The following TMEM117 variants were observed in gnomAD, a reference collection of about 807,000 sequenced individuals.
TMEM117 encodes the protein transmembrane protein 117.
In TMEM117, 27 loss-of-function variants were observed where a neutral mutation model predicts 52.4. The ratio of observed to expected loss-of-function variants is 0.51; its 90% confidence interval spans 0.38 to 0.71. The LOEUF is 0.71. TMEM117 is among the 30% of genes least tolerant of loss of function. TMEM117 has a pLI of 0.00. For missense variants in TMEM117, 556 were observed against 630.5 expected (o/e 0.88, Z 1.26); for synonymous variants, 215 against 206.3 (o/e 1.04, Z -0.36).
At chr12:44,275,288 A>T (rs1950498439) in intron 5 of TMEM117, among the ~76,000 whole-genome samples, 1 of 152,090 alleles carries the variant, frequency 6.6e-6, no homozygotes, top group African/African-American at 2.4e-5. Context: ...TATCCAAACG[A>T]CAGACAATAA....
chr12:43,832,092 G>A (rs77056193), upstream of TMEM117, among the ~76,000 whole-genome samples: 2 of 152,132 alleles, frequency 1.3e-5, no homozygotes, highest in African/African-American at 4.8e-5. Flanking sequence ...AAAATATGGA[G>A]GAAAGAGTGG....
At chr12:43,942,296 ATATTCT>A (rs1281272953) in intron 2 of TMEM117, among the ~76,000 whole-genome samples, 1 of 152,232 alleles carries the variant, frequency 6.6e-6, no homozygotes, top group African/African-American at 2.4e-5. Flanking sequence ...GAATGAATAA[ATATTCT>A]TTATAGTGTA....
chr12:44,278,065 ACT>A (rs1019340721), intron 5 of TMEM117, among the ~76,000 whole-genome samples: 2 of 151,888 alleles, frequency 1.3e-5, no homozygotes, highest in African/African-American at 4.8e-5. Context: ...CCTGGCCAAA[ACT>A]CTGAGCTTTT....
At chr12:43,820,599 T>TA in the TMEM117 span, among the ~76,000 whole-genome samples, 3 of 148,022 alleles carry the variant, frequency 2.0e-5, no homozygotes, top group African/African-American at 5.0e-5. Flanking sequence ...TTTTTTTTTT[T>TA]ATAGAATCAA....
intron 6 of TMEM117, among the ~76,000 whole-genome samples, chr12:44,311,831 G>GTATATATGTATATATATGTATATATGTA (rs1565701630): frequency 1.2e-4 from 3 of 24,754 alleles, no homozygotes; most frequent in Admixed American, 9.4e-4. Context: ...ATGTATATAT[G>GTATATATGTATATATATGTATATATGTA]TATATATGTA....
chr12:44,204,568 A>C (rs1299820693), intron 4 of TMEM117, among the ~76,000 whole-genome samples: 1 of 152,150 alleles, frequency 6.6e-6, no homozygotes, highest in Non-Finnish European at 1.5e-5. Flanking sequence ...TAAAATTCGT[A>C]TGGAACAGTA....
rs995306412 is a variant in TMEM117, at chr12:43,890,237, G to A, written c.277+45309G>A. On this transcript the variant is annotated intron_variant, in intron 2 of 7. Coordinates refer to ENST00000266534, the MANE Select transcript of TMEM117 (RefSeq NM_032256.3). ...TTTTGAAGCAGTTATAAAATAAATA[G>A]AAATTTAATTTTTGGTATTTTCCTT... is the stretch of plus-strand genomic sequence containing the variant. Among the ~76,000 whole-genome samples the A allele has an allele frequency of 6.6e-5, 10 of 152,140 alleles. 1 individual carries two copies. Among genetic ancestry groups the A allele is most frequent in the Admixed American group, 6.5e-4 (10 of 15,272 alleles).
chr12:44,301,693 A>T (rs1483702746), intron 6 of TMEM117, among the ~76,000 whole-genome samples: 1 of 152,158 alleles, frequency 6.6e-6, no homozygotes, highest in Admixed American at 6.5e-5. Context: ...TCCATCTCTT[A>T]TCTTTTTTGT....
intron 3 of TMEM117, among the ~76,000 whole-genome samples, chr12:43,951,738 G>C (rs1945226905): frequency 8.1e-6 from 1 of 122,990 alleles, no homozygotes; most frequent in South Asian, 2.2e-4. Flanking sequence ...GATTGATGAG[G>C]GCTCTGATCC....
chr12:44,256,046 A>G (rs150689284), intron 5 of TMEM117, among the ~76,000 whole-genome samples: 113 of 152,036 alleles, frequency 7.4e-4, no homozygotes, highest in African/African-American at 2.6e-3. Context: ...GTCATTTATA[A>G]CTCATATTAC....
chr12:44,212,201 T>A (rs891540915), intron 5 of TMEM117, among the ~76,000 whole-genome samples: 1 of 152,208 alleles, frequency 6.6e-6, no homozygotes, highest in Admixed American at 6.5e-5. Context: ...ACATACATTT[T>A]AAATTGTGTG....
intron 3 of TMEM117, among the ~76,000 whole-genome samples, chr12:44,074,435 G>A (rs11182411): frequency 4.3e-4 from 65 of 152,138 alleles, no homozygotes; most frequent in Non-Finnish European, 8.1e-4. Flanking sequence ...TTAAATTTAC[G>A]AAGTCTCAGT....
intron 6 of TMEM117, among the ~76,000 whole-genome samples, chr12:44,363,968 C>A (rs1436813837): frequency 6.6e-6 from 1 of 152,116 alleles, no homozygotes; most frequent in African/African-American, 2.4e-5. Flanking sequence ...TAGTCTGTCA[C>A]CTAAACAATT....
chr12:43,992,184 G>A (rs1384478506), intron 3 of TMEM117, among the ~76,000 whole-genome samples: 6 of 151,268 alleles, frequency 4.0e-5, no homozygotes, highest in African/African-American at 1.2e-4. Context: ...AAAAAAAAAA[G>A]GCAAGTCTGA....
chr12:43,978,874 G>A (rs915585432), intron 3 of TMEM117, among the ~76,000 whole-genome samples: 1 of 151,766 alleles, frequency 6.6e-6, no homozygotes, highest in Non-Finnish European at 1.5e-5. Flanking sequence ...AGGAAGTATA[G>A]CCTTGGGGCC....
chr12:44,050,019 T>A (rs78719692), intron 3 of TMEM117, among the ~76,000 whole-genome samples: 3,106 of 152,276 alleles, frequency 0.02, 104 homozygotes, highest in African/African-American at 0.069. Context: ...AAGGGACAGA[T>A]AAGGCAAAAC....
At chr12:44,030,470 C>A (rs113158919) in intron 3 of TMEM117, among the ~76,000 whole-genome samples, 2 of 152,092 alleles carry the variant, frequency 1.3e-5, no homozygotes, top group Admixed American at 6.6e-5. Context: ...AGGATTTTCA[C>A]CAAAAGTAAA....
intron 3 of TMEM117, among the ~76,000 whole-genome samples, chr12:44,055,908 A>G (rs191241970): frequency 3.9e-5 from 6 of 152,262 alleles, no homozygotes; most frequent in African/African-American, 1.4e-4. Flanking sequence ...ACAATTATAT[A>G]AACTGTTACA....
At chr12:44,175,609 CAG>C (rs1565860780) in intron 4 of TMEM117, among the ~76,000 whole-genome samples, 1 of 152,122 alleles carries the variant, frequency 6.6e-6, no homozygotes, top group Non-Finnish European at 1.5e-5. Context: ...GTTACCTGAG[CAG>C]AGAGTATGGA....
Sources: gnomAD v4.1 joint callset for allele counts (sites outside exome capture counted in the v4.1 genomes callset) on GRCh38, gnomAD v4.1.1 for gene constraint, MANE v1.5 for transcripts, NCBI Gene and HGNC (gene_info 2026-07-23, HGNC 2026-07-21) for gene names.